ZNF653: variants seen among roughly 807,000 people sequenced by gnomAD.
ZNF653 encodes zinc finger protein 653.
In ZNF653, 37 loss-of-function variants were observed where a neutral mutation model predicts 59.9. The observed-to-expected ratio is 0.62, with a 90% CI of 0.48 to 0.81. The LOEUF is 0.81. Ranked by LOEUF, ZNF653 falls within the 40% of genes least tolerant of loss-of-function variation. The pLI, the probability that ZNF653 is intolerant of heterozygous loss-of-function variation, is 0.00. For missense variants in ZNF653, 808 were observed against 881.1 expected, an observed-to-expected ratio of 0.92 and a Z score of 1.05; for synonymous variants, 435 against 371.8, an observed-to-expected ratio of 1.17 and a Z score of -1.96.
intron 3 of ZNF653, among the ~76,000 whole-genome samples, chr19:11,491,337 G>A (rs1026676474): frequency 4.8e-4 from 73 of 152,268 alleles, no homozygotes; most frequent in African/African-American, 1.7e-3. Context: ...CAGTAAGCCA[G>A]GACCCACAAG....
chr19:11,497,864 A>G (rs1187940602), intron 2 of ZNF653, among the ~76,000 whole-genome samples: 2 of 152,140 alleles, frequency 1.3e-5, no homozygotes, highest in Admixed American at 6.5e-5. Context: ...CTAAGAAGGG[A>G]GGGGCTCACT....
Position 11,495,645 on chromosome 19 carries a change from C to A in ZNF653, c.559+305G>T. 1 of 417,972 alleles carries A rather than the reference C, an allele frequency of 2.4e-6. No homozygotes were observed. Among genetic ancestry groups the A allele is most frequent in the East Asian group, 5.1e-5 (1 of 19,626 alleles). The allele number at this position is 417,972 out of a possible 1,614,324, so 25.9% of individuals were successfully genotyped here. A position where few individuals can be genotyped will look rare whatever the true frequency, so the allele number is the denominator to read the frequency against. On this transcript the variant is annotated intron_variant, in intron 3 of 8. Coordinates refer to ENST00000293771, the MANE Select transcript of ZNF653 (RefSeq NM_138783.4). The surrounding 1 kb of genome is among the most constrained non-coding windows in gnomAD (Gnocchi z 4.9). Reference sequence around the variant, plus strand: ...AGCCCTGCCCCAGCAGGCCTGCCCCCGCCCCAGCTGCCAAGCCAGGGCTCC... The same window carrying A: ...AGCCCTGCCCCAGCAGGCCTGCCCCAGCCCCAGCTGCCAAGCCAGGGCTCC...
rs10416452 is a variant in ZNF653, at chr19:11,486,957, G to A, written c.1343+30C>T. On this transcript the variant is annotated intron_variant, in intron 5 of 8. Coordinates refer to ENST00000293771, the MANE Select transcript of ZNF653 (RefSeq NM_138783.4). ...GGCCTGCGGGCCGCTTCTAGCCCTC[G>A]CCCTCACCCTTGCCCGCCCCGGCAC... 4.2e-3 allele frequency: 6,756 copies of A among 1,611,950 alleles called. 241 individuals are homozygous for A. The African/African-American group carries it at 0.078, about 19-fold the overall frequency.
At chr19:11,493,850 C>T (rs1316199171) in intron 3 of ZNF653, among the ~76,000 whole-genome samples, 2 of 150,798 alleles carry the variant, frequency 1.3e-5, no homozygotes, top group Non-Finnish European at 3.0e-5. Context: ...GAGATCCCAT[C>T]TCTACAAAAA....
chr19:11,485,827 G>A (rs1334213932), intron 6 of ZNF653, 57 bp from the exon 7 acceptor site: 14 of 1,397,868 alleles, frequency 1.0e-5, no homozygotes, highest in Non-Finnish European at 1.4e-5. Flanking sequence ...GGCTCTGGGA[G>A]GTGGGGAGAG....
In ZNF653 at chr19:11,486,790, G is replaced by A. The variant is rs1201472289; in HGVS notation, c.1434C>T (p.Tyr478=). Residue 478 remains tyrosine (Y), a synonymous_variant, in exon 6 of 9, where the codon TAC becomes TAT. Coordinates refer to ENST00000293771, the MANE Select transcript of ZNF653 (RefSeq NM_138783.4). ...HCPYEGCSQV[Y]VALSSFQNHV... ...TCACCTGGAAGCTGCTGAGGGCCAC[G>A]TAGACTTGGCTGCAGCCCTCGTATG... 8.1e-6 allele frequency: 13 copies of A among 1,609,504 alleles called. No individual in the cohort carries two copies. The highest frequency in any genetic ancestry group is 1.1e-5 in the Non-Finnish European group (13 of 1,178,144).
chr19:11,497,848 A>T (rs1434876943), intron 2 of ZNF653, among the ~76,000 whole-genome samples: 1 of 152,116 alleles, frequency 6.6e-6, no homozygotes. Context: ...CTGCCTCTGG[A>T]GAAACCTAAG....
In ZNF653 at chr19:11,487,205, G is replaced by C; in HGVS notation, c.1172-47C>G. ...GTGTCCGCAGGGGACGAAGGCTGCC[G>C]AGGTGCCCACTTCGAGGGCCATTCC... On this transcript the variant is annotated intron_variant, in intron 4 of 8. Transcript: ENST00000293771. The surrounding 1 kb of genome is among the most constrained non-coding windows in gnomAD (Gnocchi z 5.1). The C allele has an allele frequency of 6.2e-7, 1 of 1,603,636 alleles. No individual in the cohort carries two copies. The highest frequency in any genetic ancestry group is 8.5e-7 in the Non-Finnish European group (1 of 1,175,424).
intron 2 of ZNF653, among the ~76,000 whole-genome samples, chr19:11,497,826 C>G (rs1023468128): frequency 6.6e-6 from 1 of 152,184 alleles, no homozygotes; most frequent in African/African-American, 2.4e-5. Context: ...GGATCAAGGT[C>G]ATAGCTCACC....
chr19:11,492,125 C>T (rs769314457), intron 3 of ZNF653, among the ~76,000 whole-genome samples: 1 of 152,130 alleles, frequency 6.6e-6, no homozygotes, highest in Non-Finnish European at 1.5e-5. Context: ...CGGCTCACTG[C>T]AACCTCCACC....
chr19:11,484,478 C>T (rs925555968), intron 7 of ZNF653, among the ~76,000 whole-genome samples: 4 of 152,018 alleles, frequency 2.6e-5, no homozygotes, highest in African/African-American at 9.7e-5. Flanking sequence ...CTCGGCTTAC[C>T]GCAACCACAA....
Position 11,505,619 on chromosome 19 carries a change from G to A in ZNF653, c.168C>T (p.Asp56=), listed in dbSNP as rs1390047753. The change falls in exon 1 of 9, where the codon GAC becomes GAT. Residue 56 remains aspartate (D), a synonymous_variant. Transcript: ENST00000293771. Reference sequence around the variant, plus strand: ...CCTCGCCCAGGTACACGCGCCGCACGTCGTACTTCTTCCGGGACTCGAGCC... The same window carrying A: ...CCTCGCCCAGGTACACGCGCCGCACATCGTACTTCTTCCGGGACTCGAGCC... The part of the protein sequence containing the change: ...RRRLESRKKY[D]VRRVYLGEAH... 4 of 1,503,530 alleles carry A rather than the reference G, an allele frequency of 2.7e-6. No homozygotes were observed. Among genetic ancestry groups the A allele is most frequent in the Admixed American group, 4.3e-5 (2 of 46,766 alleles). 93.1% of individuals were successfully genotyped at this position (1,503,530 alleles called of 1,614,324 possible).
intron 2 of ZNF653, 25 bp from the exon 3 acceptor site, chr19:11,496,190 G>T: frequency 6.2e-7 from 1 of 1,608,552 alleles, no homozygotes; most frequent in Non-Finnish European, 8.5e-7. Flanking sequence ...CCGAGGAGTG[G>T]GTATAAGGGA....
chr19:11,489,721 T>C (rs768516350), intron 3 of ZNF653, among the ~76,000 whole-genome samples: 1 of 152,284 alleles, frequency 6.6e-6, no homozygotes, highest in South Asian at 2.1e-4. Context: ...CAATCCCCAC[T>C]GTCCCTAACT....
chr19:11,504,129 C>T (rs921056450), intron 1 of ZNF653, among the ~76,000 whole-genome samples: 8 of 151,912 alleles, frequency 5.3e-5, no homozygotes, highest in Non-Finnish European at 1.0e-4. Flanking sequence ...GGGCCGGGCG[C>T]GGTGGCTCAC....
chr19:11,502,426 A>G (rs1302494567), intron 1 of ZNF653, among the ~76,000 whole-genome samples: 1 of 152,174 alleles, frequency 6.6e-6, no homozygotes, highest in Non-Finnish European at 1.5e-5. Context: ...GACAAGAGTC[A>G]TGAACCTCCT....
Position 11,495,684 on chromosome 19 carries a change from A to C in ZNF653, c.559+266T>G. On this transcript the variant is annotated intron_variant, in intron 3 of 8. Coordinates refer to ENST00000293771, the MANE Select transcript of ZNF653 (RefSeq NM_138783.4). The surrounding 1 kb of genome is among the most constrained non-coding windows in gnomAD (Gnocchi z 4.9). ...AGCCAGGGCTCCTGGGCCCTCAGCC[A>C]GCCCTGCCTGGGACTGGCCTTGGGC... is the stretch of plus-strand genomic sequence containing the variant. The C allele has an allele frequency of 2.2e-6, 1 of 464,340 alleles. No individual in the cohort carries two copies. The highest frequency in any genetic ancestry group is 4.0e-6 in the Non-Finnish European group (1 of 252,130). 28.8% of individuals were successfully genotyped at this position (464,340 alleles called of 1,614,324 possible).
chr19:11,483,798 GCTT>G lies in ZNF653; in HGVS notation c.1729_1731del (p.Lys577del), dbSNP rs1264095108. The G allele has an allele frequency of 2.5e-6, 4 of 1,612,528 alleles. No individual in the cohort carries two copies. The highest frequency in any genetic ancestry group is 2.5e-6 in the Non-Finnish European group (3 of 1,179,306). On this transcript the variant is annotated inframe_deletion, in exon 9 of 9. Transcript: ENST00000293771. ...AAGTTGTACTGCACCTCCGCAGTGT[GCTT>G]CTTCATGTGCCAGTTGAGCGACGCG...
intron 3 of ZNF653, among the ~76,000 whole-genome samples, chr19:11,492,130 T>C (rs1367929182): frequency 6.6e-6 from 1 of 152,078 alleles, no homozygotes; most frequent in Non-Finnish European, 1.5e-5. Flanking sequence ...CACTGCAACC[T>C]CCACCTTCCA....
Sources: allele counts gnomAD v4.1 joint callset (sites outside exome capture counted in the v4.1 genomes callset), GRCh38; gene constraint gnomAD v4.1.1; non-coding constraint Gnocchi (gnomAD v3.1); transcripts MANE v1.5; gene names NCBI Gene and HGNC (gene_info 2026-07-23, HGNC 2026-07-21).